The following CCSER2 variants were observed in gnomAD, a reference collection of about 807,000 sequenced individuals.
CCSER2 encodes serine-rich coiled-coil domain-containing protein 2.
Under a neutral mutation model 92.3 loss-of-function variants are expected in CCSER2, and 46 were observed. That is an observed-to-expected ratio of 0.50 (90% CI 0.39 to 0.64). The LOEUF is 0.64. Among genes scored for constraint, CCSER2 ranks in the 30% least tolerant of loss-of-function variants. CCSER2 has a pLI of 0.00. For missense variants in CCSER2, 1,244 were observed against 1,238.9 expected, an observed-to-expected ratio of 1.00 and a Z score of -0.06; for synonymous variants, 433 against 431.4, an observed-to-expected ratio of 1.00 and a Z score of -0.04.
At chr10:84,458,074 C>T (rs1240595261) in intron 6 of CCSER2, among the ~76,000 whole-genome samples, 4 of 148,956 alleles carry the variant, frequency 2.7e-5, no homozygotes, top group Admixed American at 1.4e-4. Context: ...CATTTTTTTG[C>T]CACCATTTTT....
chr10:84,515,695 C>T lies in CCSER2; in HGVS notation c.*1428C>T, dbSNP rs1183854970. The T allele has an allele frequency of 6.6e-6, 1 of 151,970 alleles. No homozygotes were observed. Among genetic ancestry groups the T allele is most frequent in the African/African-American group, 2.4e-5 (1 of 41,360 alleles). The allele number at this position is 151,970 out of a possible 1,614,324, so 9.4% of individuals were successfully genotyped here. On this transcript the variant is annotated 3_prime_UTR_variant, in exon 10 of 10. Transcript: ENST00000372088. Reference sequence around the variant, plus strand: ...CTGACCTCAAGTGATCCACCCACCTCGTCTATGGTGTATTTTTGAAAGACA... The same window carrying T: ...CTGACCTCAAGTGATCCACCCACCTTGTCTATGGTGTATTTTTGAAAGACA...
chr10:84,355,318 T>C (rs1845104578), intron 1 of CCSER2, among the ~76,000 whole-genome samples: 1 of 152,244 alleles, frequency 6.6e-6, no homozygotes, highest in African/African-American at 2.4e-5. Flanking sequence ...ACTACCATTG[T>C]TCAGCCAACA....
At chr10:84,451,734 A>G (rs1213140548) in intron 6 of CCSER2, among the ~76,000 whole-genome samples, 2 of 152,214 alleles carry the variant, frequency 1.3e-5, no homozygotes, top group African/African-American at 4.8e-5. Flanking sequence ...TGCTTAGAAT[A>G]TTATAAAGGT....
At chr10:84,339,943 G>A (rs937560281) in intron 1 of CCSER2, among the ~76,000 whole-genome samples, 38 of 152,200 alleles carry the variant, frequency 2.5e-4, no homozygotes, top group African/African-American at 8.4e-4. Flanking sequence ...CCAGGTTCAA[G>A]CAATTCTCCT....
rs879479939 is a variant in CCSER2, at chr10:84,335,226, C to CTTT, written c.-40+6419_-40+6420insTTT. ...TCCCCAGCATTCTACTTCTCTCTCT[C>CTTT]TCTTTTTTTTTTTTTTTTTTTTTTT... On this transcript the variant is annotated intron_variant, in intron 1 of 9. Coordinates refer to ENST00000372088, the MANE Select transcript of CCSER2 (RefSeq NM_001284240.2). Among the ~76,000 whole-genome samples the CTTT allele has an allele frequency of 8.0e-4, 76 of 95,056 alleles. 4 individuals are homozygous for CTTT. Among genetic ancestry groups the CTTT allele is most frequent in the East Asian group, 3.4e-3 (10 of 2,908 alleles). 62.4% of individuals were successfully genotyped at this position (95,056 alleles called of 152,430 possible). A position where few individuals can be genotyped will look rare whatever the true frequency, so the allele number is the denominator to read the frequency against.
intron 2 of CCSER2, 21 bp downstream of exon 2, chr10:84,372,490 GT>G (rs977768306): frequency 1.5e-6 from 2 of 1,379,030 alleles, no homozygotes; most frequent in Non-Finnish European, 2.0e-6. Context: ...CTTACCTTAA[GT>G]TTTTTTGCTT....
chr10:84,456,116 C>T lies in CCSER2; in HGVS notation c.2065-7817C>T, dbSNP rs536468672. 7.8e-5 allele frequency: 28 copies of T among 357,686 alleles called. 1 individual carries two copies. The highest frequency in any genetic ancestry group is 5.1e-4 in the South Asian group (20 of 39,202). The allele number at this position is 357,686 out of a possible 1,614,324, so 22.2% of individuals were successfully genotyped here. A position where few individuals can be genotyped will look rare whatever the true frequency, so the allele number is the denominator to read the frequency against. On this transcript the variant is annotated intron_variant, in intron 6 of 9. Transcript: ENST00000372088. The stretch of plus-strand genomic sequence containing the variant: ...GCCACACAGGGGAGAGAACAGGAAA[C>T]GCCATGCAGAGCCCTCAAATCAAAC...
rs559709107 is a variant in CCSER2, at chr10:84,501,025, T to C, written c.2326-12424T>C. The stretch of plus-strand genomic sequence containing the variant: ...TTTTGTTTTAAAGAAAAATCGTTTC[T>C]GTAGGCTTTTATGTGATGTTCTTTA... On this transcript the variant is annotated intron_variant, in intron 9 of 9. Coordinates refer to ENST00000372088, the MANE Select transcript of CCSER2 (RefSeq NM_001284240.2). Among the ~76,000 whole-genome samples, 3 of 152,308 alleles carry C rather than the reference T, an allele frequency of 2.0e-5. No homozygotes were observed. In the South Asian group the frequency reaches 6.2e-4, roughly 32 times the overall value.
chr10:84,396,209 G>A (rs1390633503), intron 3 of CCSER2, among the ~76,000 whole-genome samples: 5 of 150,852 alleles, frequency 3.3e-5, no homozygotes, highest in Non-Finnish European at 7.4e-5. Context: ...GTGTGTGTGT[G>A]TGTGTGTGTG....
rs752220580 is a variant in CCSER2 at position 84,513,561 on chromosome 10, T to G, written c.2438T>G (p.Met813Arg). ...CGCAGTGAATGCTCAATCCAAGACA[T>G]GCATCAGGGCGGTGCACATCCGGAA... ...EARSECSIQD[M>R]HQGGAHPEES... Residue 813 changes from methionine to arginine, a missense_variant, in exon 10 of 10, where the codon ATG becomes AGG. Coordinates refer to ENST00000372088, the MANE Select transcript of CCSER2 (RefSeq NM_001284240.2). 1 of 1,613,912 alleles carries G rather than the reference T, an allele frequency of 6.2e-7. No individual in the cohort carries two copies. The highest frequency in any genetic ancestry group is 8.5e-7 in the Non-Finnish European group (1 of 1,180,020).
At chr10:84,381,500 T>G (rs888941570) in intron 3 of CCSER2, among the ~76,000 whole-genome samples, 6 of 152,208 alleles carry the variant, frequency 3.9e-5, no homozygotes, top group African/African-American at 1.4e-4. Context: ...GTGCCTAAAC[T>G]GTTTGCACAG....
chr10:84,429,190 A>C (rs759993621), intron 5 of CCSER2, among the ~76,000 whole-genome samples: 1 of 151,942 alleles, frequency 6.6e-6, no homozygotes, highest in Non-Finnish European at 1.5e-5. Context: ...GTTTTGTAGT[A>C]TTGACCAGTG....
rs984894379 is a variant in CCSER2, at chr10:84,516,716, C to T, written c.*2449C>T. 3 of 151,842 alleles carry T rather than the reference C, an allele frequency of 2.0e-5. No individual in the cohort carries two copies. Among genetic ancestry groups the T allele is most frequent in the African/African-American group, 7.3e-5 (3 of 41,342 alleles). 9.4% of individuals were successfully genotyped at this position (151,842 alleles called of 1,614,324 possible). On this transcript the variant is annotated 3_prime_UTR_variant, in exon 10 of 10. Coordinates refer to ENST00000372088, the MANE Select transcript of CCSER2 (RefSeq NM_001284240.2). ...GTAATTTATTTTTCTCTATTTTTTC[C>T]TCCATGTATTTACTCCATTTTTCTC... is the stretch of plus-strand genomic sequence containing the variant.
At chr10:84,399,382 G>A (rs946259741) in intron 3 of CCSER2, among the ~76,000 whole-genome samples, 2 of 152,066 alleles carry the variant, frequency 1.3e-5, no homozygotes, top group Non-Finnish European at 2.9e-5. Context: ...TTATGGCTGA[G>A]TAATATTCCA....
intron 1 of CCSER2, among the ~76,000 whole-genome samples, chr10:84,356,990 A>AT (rs1845207156): frequency 6.6e-6 from 1 of 152,164 alleles, no homozygotes. Context: ...TTTGTAAAAA[A>AT]CCAGTTAGGT....
At chr10:84,387,191 C>T (rs1200204633) in intron 3 of CCSER2, among the ~76,000 whole-genome samples, 1 of 152,134 alleles carries the variant, frequency 6.6e-6, no homozygotes, top group South Asian at 2.1e-4. Context: ...TTAATGCTCC[C>T]ATCTATTCCT....
chr10:84,496,376 C>G (rs972279015), intron 9 of CCSER2, among the ~76,000 whole-genome samples: 1 of 152,108 alleles, frequency 6.6e-6, no homozygotes, highest in Non-Finnish European at 1.5e-5. Context: ...AGCTCCGCCT[C>G]CTGGGTTCAT....
In CCSER2 at chr10:84,518,149, A is replaced by G. The variant is rs1284832970; in HGVS notation, c.*3882A>G. On this transcript the variant is annotated 3_prime_UTR_variant, in exon 10 of 10. Transcript: ENST00000372088. The stretch of plus-strand genomic sequence containing the variant: ...CTAGTGATTTTTCACATCTCCCTTT[A>G]AGTTTTTGCTGCAGCAATTTGAGAG... The G allele has an allele frequency of 6.6e-6, 1 of 152,058 alleles. No individual in the cohort carries two copies. The highest frequency in any genetic ancestry group is 2.4e-5 in the African/African-American group (1 of 41,376). 9.4% of individuals were successfully genotyped at this position (152,058 alleles called of 1,614,324 possible).
intron 3 of CCSER2, among the ~76,000 whole-genome samples, chr10:84,409,336 CCTT>C (rs1299468343): frequency 6.6e-6 from 1 of 151,326 alleles, no homozygotes; most frequent in Non-Finnish European, 1.5e-5. Context: ...GATGGGATCT[CCTT>C]ATGTTGCCCA....
Sources: allele counts gnomAD v4.1 joint callset (sites outside exome capture counted in the v4.1 genomes callset), GRCh38; gene constraint gnomAD v4.1.1; transcripts MANE v1.5; gene names NCBI Gene and HGNC (gene_info 2026-07-23, HGNC 2026-07-21).